KCNU1: variants seen among roughly 807,000 people sequenced by gnomAD.
KCNU1 encodes potassium channel subfamily U member 1.
A neutral mutation model predicts 126.8 loss-of-function variants in KCNU1; 93 were observed. The observed-to-expected ratio is 0.73, with a 90% confidence interval of 0.62 to 0.87. The LOEUF (loss-of-function observed/expected upper bound fraction) is 0.87. Ranked by LOEUF, KCNU1 falls within the 40% of genes least tolerant of loss-of-function variation. The pLI is 0.00. For synonymous variants in KCNU1, 523 were observed against 494.2 expected (o/e 1.06, Z -0.77); for missense variants, 1,330 against 1,367.1 (o/e 0.97, Z 0.43).
At chr8:36,793,736 G>C (rs1802987281) in intron 2 of KCNU1, among the ~76,000 whole-genome samples, 1 of 148,530 alleles carries the variant, frequency 6.7e-6, no homozygotes, top group East Asian at 1.9e-4. Flanking sequence ...TAGTGTAATT[G>C]TTAATAGAGC....
intron 19 of KCNU1, among the ~76,000 whole-genome samples, chr8:36,883,609 C>A (rs1204076354): frequency 2.0e-5 from 3 of 151,918 alleles, no homozygotes; most frequent in Admixed American, 2.0e-4. Flanking sequence ...CATGGTGAAA[C>A]CCTGTCTCTA....
At position 36,918,810 on chromosome 8, in the gene KCNU1, T is replaced by C; in HGVS notation, c.2522-13T>C. ...ATTGTGTTTGCATTTATCACCTCTT[T>C]TCTTCTTTGCAGAGGAGACTCCAGG... On this transcript the variant is annotated splice_polypyrimidine_tract_variant and intron_variant, in intron 22 of 26. Transcript: ENST00000399881. The C allele has an allele frequency of 3.2e-6, 5 of 1,553,256 alleles. No homozygotes were observed. The highest frequency in any genetic ancestry group is 4.4e-6 in the Non-Finnish European group (5 of 1,125,708).
intron 19 of KCNU1, among the ~76,000 whole-genome samples, chr8:36,888,030 G>A (rs1806786622): frequency 6.6e-6 from 1 of 152,062 alleles, no homozygotes. Flanking sequence ...ATTTTTCTGG[G>A]TTGCCCTTGT....
At chr8:36,797,536 G>A (rs776107052) in intron 2 of KCNU1, among the ~76,000 whole-genome samples, 7 of 151,274 alleles carry the variant, frequency 4.6e-5, no homozygotes, top group Non-Finnish European at 7.4e-5. Context: ...CTTAATATTC[G>A]CTTTAAAGTT....
At chr8:36,809,010 A>G (rs1381955039) in intron 7 of KCNU1, among the ~76,000 whole-genome samples, 1 of 152,162 alleles carries the variant, frequency 6.6e-6, no homozygotes, top group Non-Finnish European at 1.5e-5. Context: ...TCCAACTTTC[A>G]AAACCTACTC....
rs189044708 is a variant in KCNU1, at chr8:36,833,658, C to T, written c.1211C>T (p.Ala404Val). ...AAGTGGGAGGATCTGAGGCGAGTTGCGGTAAGATCTAGCTGTTTTTGTTCC... is the reference window on the plus strand; with the variant it reads ...AAGTGGGAGGATCTGAGGCGAGTTGTGGTAAGATCTAGCTGTTTTTGTTCC... ...AMKWEDLRRVAVESAEACLII... is the reference protein window; with the variant it reads ...AMKWEDLRRVVVESAEACLII... Residue 404 changes from alanine (A) to valine (V), a missense_variant and splice_region_variant, in exon 11 of 27, where the codon GCG (alanine) becomes GTG (valine). Ala to Val is a moderately conservative substitution (Grantham distance 64). Around this residue, in one of 3 missense-constraint regions of KCNU1, gnomAD observed 1,054 missense variants for 1,053.9 expected, o/e 1.00. Coordinates refer to ENST00000399881, the MANE Select transcript of KCNU1 (RefSeq NM_001031836.3). 3.2e-4 allele frequency: 502 copies of T among 1,586,416 alleles called. 1 individual carries two copies. Among genetic ancestry groups the T allele is most frequent in the South Asian group, 1.9e-3 (170 of 90,406 alleles).
intron 19 of KCNU1, among the ~76,000 whole-genome samples, chr8:36,893,640 T>C (rs1807066684): frequency 1.3e-5 from 2 of 152,096 alleles, no homozygotes. Flanking sequence ...GAACTAAAGA[T>C]AGTGGAATGG....
intron 7 of KCNU1, among the ~76,000 whole-genome samples, chr8:36,813,839 G>A (rs1803810396): frequency 6.7e-6 from 1 of 149,942 alleles, no homozygotes; most frequent in Non-Finnish European, 1.5e-5. Flanking sequence ...TAAAAAGTGA[G>A]AATATGTCAT....
At chr8:36,921,317 G>A (rs1808335991) in intron 23 of KCNU1, among the ~76,000 whole-genome samples, 1 of 152,146 alleles carries the variant, frequency 6.6e-6, no homozygotes, top group Non-Finnish European at 1.5e-5. Flanking sequence ...GGAAACCAGA[G>A]TCTTTTAAAA....
intron 18 of KCNU1, among the ~76,000 whole-genome samples, chr8:36,848,714 T>C (rs758431141): frequency 1.8e-4 from 27 of 152,188 alleles, no homozygotes; most frequent in Non-Finnish European, 3.2e-4. Flanking sequence ...TGTTTCTTCT[T>C]CTGCAGTCCT....
At chr8:36,818,111 A>C (rs1803988500) in intron 10 of KCNU1, among the ~76,000 whole-genome samples, 1 of 152,218 alleles carries the variant, frequency 6.6e-6, no homozygotes. Flanking sequence ...TGTGAAGTTC[A>C]AATCAATACA....
intron 24 of KCNU1, among the ~76,000 whole-genome samples, chr8:36,930,365 C>A (rs1003090940): frequency 2.0e-5 from 3 of 152,068 alleles, no homozygotes; most frequent in African/African-American, 7.2e-5. Context: ...GATTCTGAAA[C>A]CCTATCCATT....
chr8:36,839,488 A>C (rs549083376), intron 14 of KCNU1, among the ~76,000 whole-genome samples: 1 of 152,330 alleles, frequency 6.6e-6, no homozygotes, highest in East Asian at 1.9e-4. Context: ...GACTTTAAGA[A>C]AGTGGGAAAA....
chr8:36,882,601 G>A (rs74701746), intron 19 of KCNU1, among the ~76,000 whole-genome samples: 1 of 148,458 alleles, frequency 6.7e-6, no homozygotes, highest in South Asian at 2.1e-4. Flanking sequence ...TTTTTTTTTT[G>A]AGGTGGAGTT....
intron 22 of KCNU1, among the ~76,000 whole-genome samples, chr8:36,916,860 A>G (rs80044557): frequency 0.021 from 3,198 of 152,322 alleles, 118 homozygotes; most frequent in African/African-American, 0.073. Flanking sequence ...TCAGAAATTT[A>G]GTAGAAATCA....
chr8:36,881,711 G>A (rs1806485090), intron 19 of KCNU1, among the ~76,000 whole-genome samples: 1 of 151,970 alleles, frequency 6.6e-6, no homozygotes, highest in Non-Finnish European at 1.5e-5. Flanking sequence ...GAATTTGAGT[G>A]AGTCACTTAA....
At chr8:36,793,407 A>G (rs1458250801) in intron 2 of KCNU1, among the ~76,000 whole-genome samples, 1 of 151,852 alleles carries the variant, frequency 6.6e-6, no homozygotes, top group East Asian at 1.9e-4. Flanking sequence ...AATCCATCTC[A>G]TGGATGAATT....
At chr8:36,817,366 G>A (rs1295378142) in intron 9 of KCNU1, among the ~76,000 whole-genome samples, 1 of 151,952 alleles carries the variant, frequency 6.6e-6, no homozygotes, top group African/African-American at 2.4e-5. Flanking sequence ...GGGCGTGGTG[G>A]CGCATGCCTT....
intron 2 of KCNU1, among the ~76,000 whole-genome samples, chr8:36,793,435 T>C (rs1382764771): frequency 6.6e-6 from 1 of 151,864 alleles, no homozygotes; most frequent in East Asian, 1.9e-4. Flanking sequence ...AAATTTTACT[T>C]TTCATGTTTT....
Sources: gnomAD v4.1 joint callset for allele counts (sites outside exome capture counted in the v4.1 genomes callset) on GRCh38, gnomAD v4.1.1 for gene constraint, gnomAD v4.1.1 regional missense constraint, MANE v1.5 for transcripts, NCBI Gene and HGNC (gene_info 2026-07-23, HGNC 2026-07-21) for gene names.